Variants in SPAG1 observed in about 807,000 individuals in gnomAD.
SPAG1 encodes sperm-associated antigen 1.
Under a neutral mutation model 100.5 loss-of-function variants are expected in SPAG1, and 69 were observed. The observed-to-expected ratio is 0.69, with a 90% CI of 0.57 to 0.84. SPAG1 has a LOEUF of 0.84. Among genes scored for constraint, SPAG1 ranks in the 40% least tolerant of loss-of-function variants. SPAG1 has a pLI of 0.00. For missense variants in SPAG1, 955 were observed against 1,133.1 expected, an observed-to-expected ratio of 0.84 and a Z score of 2.26; for synonymous variants, 336 against 411.6, an observed-to-expected ratio of 0.82 and a Z score of 2.22.
At position 100,189,598 on chromosome 8, in the gene SPAG1, T is replaced by G. The variant is rs939268774; in HGVS notation, c.833-1792T>G. On this transcript the variant is annotated intron_variant, in intron 8 of 18. Transcript: ENST00000388798. ...TGAACCTGGGAGGCAGAGGTTGTAC[T>G]GAGCTGAGATCACGCCACTGCACTT... is the stretch of plus-strand genomic sequence containing the variant. Among the ~76,000 whole-genome samples, 11 of 152,252 alleles carry G rather than the reference T, an allele frequency of 7.2e-5. No individual in the cohort carries two copies. In the East Asian group the frequency reaches 2.1e-3, roughly 29 times the overall value.
In SPAG1 at chr8:100,239,913, G is replaced by A. The variant is rs565076145; in HGVS notation, c.2281-490G>A. Among the ~76,000 whole-genome samples, 38 of 152,240 alleles carry A rather than the reference G, an allele frequency of 2.5e-4. No individual in the cohort carries two copies. The highest frequency in any genetic ancestry group is 6.8e-3 in the Middle Eastern group (2 of 294). On this transcript the variant is annotated intron_variant, in intron 17 of 18. Transcript: ENST00000388798. The surrounding 1 kb of genome is among the most constrained non-coding windows in gnomAD (Gnocchi z 5.0). ...AAATGTTTTTCTCTGCCTAATATTAGGGAAGAATGTTAGGCTGTGAATCCC... is the reference window on the plus strand; with the variant it reads ...AAATGTTTTTCTCTGCCTAATATTAAGGAAGAATGTTAGGCTGTGAATCCC...
At chr8:100,206,572 G>C (rs888012798) in intron 10 of SPAG1, among the ~76,000 whole-genome samples, 2 of 152,128 alleles carry the variant, frequency 1.3e-5, no homozygotes, top group African/African-American at 4.8e-5. Flanking sequence ...CTAAAATTCA[G>C]GGACCTTCTA....
intron 8 of SPAG1, among the ~76,000 whole-genome samples, chr8:100,188,458 T>C (rs1816678843): frequency 6.6e-6 from 1 of 152,156 alleles, no homozygotes; most frequent in African/African-American, 2.4e-5. Flanking sequence ...CCTGGCCTGC[T>C]ATAAATAATT....
chr8:100,160,323 G>A (rs1282438509), intron 1 of SPAG1, among the ~76,000 whole-genome samples: 2 of 152,160 alleles, frequency 1.3e-5, no homozygotes, highest in Non-Finnish European at 2.9e-5. Context: ...TCAAATTTGT[G>A]CTAAGAGAGA....
At chr8:100,158,664 A>G (rs867343876) in intron 1 of SPAG1, 48 bp downstream of exon 1, 11 of 152,354 alleles carry the variant, frequency 7.2e-5, no homozygotes, top group Middle Eastern at 3.4e-3. Flanking sequence ...GTGGATCAGG[A>G]TGATGGAGAA....
upstream of SPAG1, chr8:100,158,185 G>A (rs2453645): frequency 0.38 from 57,461 of 152,306 alleles, 11,131 homozygotes; most frequent in East Asian, 0.51. Flanking sequence ...CTTCCCTCCC[G>A]GAGCGGGGGC....
chr8:100,160,219 G>T (rs1418579846), intron 1 of SPAG1, among the ~76,000 whole-genome samples: 1 of 152,196 alleles, frequency 6.6e-6, no homozygotes, highest in Admixed American at 6.5e-5. Context: ...TTCTGAAGGG[G>T]TATAGGCACT....
intron 10 of SPAG1, among the ~76,000 whole-genome samples, chr8:100,196,606 G>A (rs1294383556): frequency 5.3e-5 from 8 of 152,170 alleles, no homozygotes; most frequent in African/African-American, 1.7e-4. Flanking sequence ...TAATCTTGAT[G>A]CAAAGTCTTA....
chr8:100,168,461 A>G (rs553175145), intron 3 of SPAG1, among the ~76,000 whole-genome samples: 8 of 145,724 alleles, frequency 5.5e-5, no homozygotes, highest in Non-Finnish European at 1.2e-4. Context: ...TGGCACCATC[A>G]CAGCTCGCTG....
chr8:100,225,374 T>C (rs1361180820), intron 14 of SPAG1, 35 bp downstream of exon 14: 2 of 1,585,092 alleles, frequency 1.3e-6, no homozygotes, highest in Non-Finnish European at 1.7e-6. Context: ...TTCTCAAGGT[T>C]ACCTTGAGTT....
At chr8:100,238,418 G>T (rs751141877) in intron 16 of SPAG1, among the ~76,000 whole-genome samples, 13 of 152,170 alleles carry the variant, frequency 8.5e-5, no homozygotes, top group Non-Finnish European at 1.6e-4. Flanking sequence ...AGCCTCTTGT[G>T]CATGCTGTTA....
At chr8:100,240,333 C>T in intron 17 of SPAG1, 70 bp from the exon 18 acceptor site, 1 of 1,418,402 alleles carries the variant, frequency 7.1e-7, no homozygotes, top group Non-Finnish European at 9.5e-7. Flanking sequence ...CTCATTCTGA[C>T]AGACGTACTT....
At chr8:100,172,448 G>C (rs1204520487) in intron 3 of SPAG1, among the ~76,000 whole-genome samples, 4 of 151,976 alleles carry the variant, frequency 2.6e-5, no homozygotes, top group African/African-American at 9.7e-5. Flanking sequence ...GTGAAACCCT[G>C]TCTCTACTAA....
Position 100,241,065 on chromosome 8 carries a change from C to T in SPAG1, c.*43C>T, listed in dbSNP as rs762806717. ...ATTTCTTCCATGCATGTATGTGTTC[C>T]AGGAATGTTAATGAGATGGTATTGT... is the stretch of plus-strand genomic sequence containing the variant. On this transcript the variant is annotated 3_prime_UTR_variant, in exon 19 of 19. Coordinates refer to ENST00000388798, the MANE Select transcript of SPAG1 (RefSeq NM_003114.5). This position sits in a 1 kb window ranked among gnomAD's most constrained non-coding sequence, Gnocchi z 5.1. 5.7e-6 allele frequency: 9 copies of T among 1,592,574 alleles called. No individual in the cohort carries two copies. The Admixed American group carries it at 8.9e-5, about 16-fold the overall frequency.
rs2514682 is a variant in SPAG1 at position 100,213,610 on chromosome 8, C to G, written c.1435+182C>G. ...CTCAGTGAGCAGCACCTGGGAATGCCGGCATGTTCCCGGCCAGGCACGTTT... is the reference window on the plus strand; with the variant it reads ...CTCAGTGAGCAGCACCTGGGAATGCGGGCATGTTCCCGGCCAGGCACGTTT... On this transcript the variant is annotated intron_variant, in intron 11 of 18. Transcript: ENST00000388798. Among the ~76,000 whole-genome samples, 99,027 of 152,024 alleles carry G rather than the reference C, an allele frequency of 0.65. 32,542 individuals are homozygous for G. The highest frequency in any genetic ancestry group is 0.73 in the African/African-American group (30,430 of 41,454).
chr8:100,194,168 T>C lies in SPAG1; in HGVS notation c.996T>C (p.Thr332=). The change falls in exon 10 of 19, where the codon ACT becomes ACC. Residue 332 remains threonine, a synonymous_variant. Coordinates refer to ENST00000388798, the MANE Select transcript of SPAG1 (RefSeq NM_003114.5). ...DLKNSEAASE[T]QTKGKRMVIQ... The stretch of plus-strand genomic sequence containing the variant: ...AAAATTCTGAAGCTGCATCTGAGAC[T>C]CAAACCAAAGGGAAAAGGATGGTTA... The C allele has an allele frequency of 1.2e-6, 2 of 1,607,268 alleles. No homozygotes were observed. The highest frequency in any genetic ancestry group is 1.7e-6 in the Non-Finnish European group (2 of 1,178,018).
At chr8:100,218,497 T>A (rs1304159145) in intron 12 of SPAG1, among the ~76,000 whole-genome samples, 1 of 152,218 alleles carries the variant, frequency 6.6e-6, no homozygotes, top group Non-Finnish European at 1.5e-5. Flanking sequence ...TAAACTAAGC[T>A]AAATTTAAGG....
At chr8:100,178,456 G>C (rs1816227007) in intron 4 of SPAG1, among the ~76,000 whole-genome samples, 1 of 151,346 alleles carries the variant, frequency 6.6e-6, no homozygotes, top group Non-Finnish European at 1.5e-5. Context: ...TTGTCACATA[G>C]ACCTCTCCTT....
chr8:100,166,632 G>A (rs1815571579), intron 3 of SPAG1, among the ~76,000 whole-genome samples: 1 of 152,112 alleles, frequency 6.6e-6, no homozygotes, highest in South Asian at 2.1e-4. Context: ...TTGGTCAGAT[G>A]TGGTTGCTCA....
Sources: gnomAD v4.1 joint callset for allele counts (sites outside exome capture counted in the v4.1 genomes callset) on GRCh38, gnomAD v4.1.1 for gene constraint, Gnocchi (gnomAD v3.1) non-coding constraint, MANE v1.5 for transcripts, NCBI Gene and HGNC (gene_info 2026-07-23, HGNC 2026-07-21) for gene names.